Variants in ASXL3 observed in about 807,000 individuals in gnomAD.
The protein encoded by ASXL3 is ASXL transcriptional regulator 3.
In ASXL3, 34 loss-of-function variants were observed where a neutral mutation model predicts 170.6. The ratio of observed to expected loss-of-function variants is 0.20; its 90% CI spans 0.15 to 0.27. The LOEUF (loss-of-function observed/expected upper bound fraction) is 0.27, where lower values mean the gene tolerates loss of function less well. ASXL3 is among the 10% of genes least tolerant of loss of function. The pLI is 1.00. For synonymous variants in ASXL3, 1,002 were observed against 989.1 expected, an observed-to-expected ratio of 1.01 and a Z score of -0.24; for missense variants, 2,592 against 2,695.3, an observed-to-expected ratio of 0.96 and a Z score of 0.85.
intron 3 of ASXL3, 75 bp from the exon 4 acceptor site, chr18:33,646,170 T>G (rs1049171610): frequency 7.4e-6 from 8 of 1,083,066 alleles, no homozygotes; most frequent in Non-Finnish European, 1.1e-5. Context: ...TACTGTAGGA[T>G]TCTGCAAGTA....
rs1568360549 is a variant in ASXL3 at position 33,739,340 on chromosome 18, G to C, written c.1936G>C (p.Glu646Gln). The part of the protein sequence containing the change: ...SEESCTPASL[E>Q]TTFCSEVSST... ...AGAATCATGTACTCCAGCCTCCCTT[G>C]AGACAACATTTTGTTCTGAGGTATC... The change falls in exon 11 of 12, where the codon GAG (glutamate) becomes CAG (glutamine). Residue 646 changes from glutamate (E) to glutamine (Q), a missense_variant. Around this residue, in one of 4 missense-constraint regions of ASXL3, gnomAD observed 2,246 missense variants for 2,219.6 expected, o/e 1.01. Transcript: ENST00000269197. 6.2e-7 allele frequency: 1 copy of C among 1,613,524 alleles called. No individual in the cohort carries two copies. The highest frequency in any genetic ancestry group is 1.1e-5 in the South Asian group (1 of 91,024).
chr18:33,680,726 T>C (rs1041949931), intron 7 of ASXL3, among the ~76,000 whole-genome samples: 1 of 152,020 alleles, frequency 6.6e-6, no homozygotes, highest in African/African-American at 2.4e-5. Flanking sequence ...ATAATATATT[T>C]TTTTACCTTT....
At chr18:33,676,807 T>C (rs903031946) in intron 7 of ASXL3, among the ~76,000 whole-genome samples, 5 of 152,200 alleles carry the variant, frequency 3.3e-5, no homozygotes, top group African/African-American at 1.2e-4. Context: ...GATAAACCAC[T>C]TAAAACCCTC....
rs946709224 is a variant in ASXL3, at chr18:33,671,835, G to A, written c.684G>A (p.Gln228=). ...CTCCCACTGGAAAACAAACAAGTCA[G>A]CACTTAAAACGATTAAAAAAGTCTG... ...QKSPTGKQTS[Q]HLKRLKKSGL... Residue 228 remains glutamine (Q), a synonymous_variant, in exon 7 of 12, where the codon CAG becomes CAA. Coordinates refer to ENST00000269197, the MANE Select transcript of ASXL3 (RefSeq NM_030632.3). 6.2e-7 allele frequency: 1 copy of A among 1,610,600 alleles called. No homozygotes were observed. The highest frequency in any genetic ancestry group is 8.5e-7 in the Non-Finnish European group (1 of 1,178,332).
At chr18:33,584,451 T>A (rs1451611428) in intron 1 of ASXL3, among the ~76,000 whole-genome samples, 1 of 152,122 alleles carries the variant, frequency 6.6e-6, no homozygotes, top group Non-Finnish European at 1.5e-5. Context: ...ACAAAATGAA[T>A]ATCACTTATG....
intron 4 of ASXL3, among the ~76,000 whole-genome samples, chr18:33,661,397 G>A (rs945868795): frequency 6.6e-6 from 1 of 152,062 alleles, no homozygotes. Context: ...CAATTTGCGG[G>A]TTAGGACAGG....
intron 8 of ASXL3, among the ~76,000 whole-genome samples, chr18:33,707,192 C>A (rs1158374752): frequency 6.6e-6 from 1 of 151,812 alleles, no homozygotes; most frequent in African/African-American, 2.4e-5. Flanking sequence ...TGTTCTTTTT[C>A]TTTGATTAGA....
intron 2 of ASXL3, 53 bp downstream of exon 2, chr18:33,607,729 C>T: frequency 9.5e-6 from 13 of 1,368,984 alleles, no homozygotes; most frequent in Non-Finnish European, 1.3e-5. Flanking sequence ...ATAATTGCCA[C>T]TCGTTGCTAA....
At chr18:33,604,149 A>G (rs2065218010) in intron 1 of ASXL3, among the ~76,000 whole-genome samples, 1 of 152,086 alleles carries the variant, frequency 6.6e-6, no homozygotes. Context: ...GCTATTATAA[A>G]GGAGAAGCAA....
At chr18:33,715,352 C>G (rs2067146903) in intron 8 of ASXL3, among the ~76,000 whole-genome samples, 1 of 152,220 alleles carries the variant, frequency 6.6e-6, no homozygotes. Context: ...TAAAGCCAAT[C>G]TGGCATATAC....
chr18:33,628,412 A>T (rs1485143249), intron 2 of ASXL3, among the ~76,000 whole-genome samples: 7 of 152,154 alleles, frequency 4.6e-5, no homozygotes, highest in Non-Finnish European at 8.8e-5. Context: ...AGACATAGGA[A>T]TGTATTAGGA....
intron 8 of ASXL3, among the ~76,000 whole-genome samples, chr18:33,706,664 AT>A (rs886450617): frequency 6.6e-6 from 1 of 151,260 alleles, no homozygotes; most frequent in Non-Finnish European, 1.5e-5. Flanking sequence ...TCTTTAGTGT[AT>A]TTTTTTTATT....
At chr18:33,734,101 T>TAGCATTCTTCTAAAGCATTTAGCTTC in intron 9 of ASXL3, among the ~76,000 whole-genome samples, 1 of 152,198 alleles carries the variant, frequency 6.6e-6, no homozygotes, top group African/African-American at 2.4e-5. Context: ...CATTTAGCTT[T>TAGCATTCTTCTAAAGCATTTAGCTTC]AGCATTCTTC....
chr18:33,716,451 A>G (rs1471489548), intron 8 of ASXL3, among the ~76,000 whole-genome samples: 1 of 152,194 alleles, frequency 6.6e-6, no homozygotes, highest in African/African-American at 2.4e-5. Context: ...AATAGAATCT[A>G]TTTTGGGAAA....
chr18:33,628,279 T>A (rs1370433016), intron 2 of ASXL3, among the ~76,000 whole-genome samples: 2 of 152,060 alleles, frequency 1.3e-5, no homozygotes, highest in Middle Eastern at 3.2e-3. Context: ...CAAAGCTCAG[T>A]ATTTCCGTCA....
intron 2 of ASXL3, among the ~76,000 whole-genome samples, chr18:33,630,915 G>T (rs1293095697): frequency 6.6e-6 from 1 of 151,632 alleles, no homozygotes; most frequent in African/African-American, 2.4e-5. Flanking sequence ...TGTGTTTTAT[G>T]TTGAGAAAGA....
At chr18:33,669,648 T>C (rs1392978165) in intron 5 of ASXL3, among the ~76,000 whole-genome samples, 1 of 152,158 alleles carries the variant, frequency 6.6e-6, no homozygotes, top group African/African-American at 2.4e-5. Context: ...GGAAATACAG[T>C]CAAGGCAGTC....
intron 4 of ASXL3, among the ~76,000 whole-genome samples, chr18:33,657,949 A>G (rs374532583): frequency 6.6e-6 from 1 of 152,142 alleles, no homozygotes; most frequent in African/African-American, 2.4e-5. Flanking sequence ...TCAGTTTGAA[A>G]AGGACAGGCT....
chr18:33,689,384 C>T (rs1344255935), intron 8 of ASXL3, among the ~76,000 whole-genome samples: 1 of 152,178 alleles, frequency 6.6e-6, no homozygotes, highest in African/African-American at 2.4e-5. Flanking sequence ...TGATGATTAT[C>T]ATGTAATTCT....
Sources: allele counts gnomAD v4.1 joint callset (sites outside exome capture counted in the v4.1 genomes callset), GRCh38; gene constraint gnomAD v4.1.1; regional missense constraint gnomAD v4.1.1; transcripts MANE v1.5; gene names NCBI Gene and HGNC (gene_info 2026-07-23, HGNC 2026-07-21).